GSDME: variants seen among roughly 807,000 people sequenced by gnomAD.
The protein encoded by GSDME is gasdermin E.
A neutral mutation model predicts 47.5 loss-of-function variants in GSDME; 44 were observed. The observed-to-expected ratio is 0.93, with a 90% CI of 0.73 to 1.19. The LOEUF (loss-of-function observed/expected upper bound fraction) is 1.19, where lower values mean the gene tolerates loss of function less well. Among genes scored for constraint, GSDME ranks in the 50% most tolerant of loss-of-function variants. The pLI is 0.00. For missense variants in GSDME, 663 were observed against 604.2 expected (o/e 1.10, Z -1.02); for synonymous variants, 258 against 252.8 (o/e 1.02, Z -0.20).
intron 1 of GSDME, among the ~76,000 whole-genome samples, chr7:24,755,449 A>G (rs547608215): frequency 2.6e-5 from 4 of 152,094 alleles, no homozygotes; most frequent in Non-Finnish European, 5.9e-5. Flanking sequence ...CCCTGACCAC[A>G]TCCAATTCAG....
Position 24,707,763 on chromosome 7 carries a change from C to T in GSDME, c.990+364G>A, listed in dbSNP as rs893496188. 3.2e-5 allele frequency: 15 copies of T among 464,646 alleles called. No homozygotes were observed. In the East Asian group the frequency reaches 5.1e-4, roughly 16 times the overall value. 28.8% of individuals were successfully genotyped at this position (464,646 alleles called of 1,614,324 possible). The stretch of plus-strand genomic sequence containing the variant: ...GTGCTGCTGCCATGAGCCAGGAACA[C>T]TAGGAGCCATCCGCAGCTGGAAGGA... On this transcript the variant is annotated intron_variant, in intron 7 of 9. Transcript: ENST00000645220.
chr7:24,780,611 T>G, the GSDME span, among the ~76,000 whole-genome samples: 2 of 152,240 alleles, frequency 1.3e-5, no homozygotes, highest in Non-Finnish European at 2.9e-5. The surrounding 1 kb of genome is among the most constrained non-coding windows in gnomAD (Gnocchi z 4.1). Context: ...TTGAATGTCA[T>G]GTCTTCTGTG....
At position 24,698,849 on chromosome 7, in the gene GSDME, C is replaced by G; in HGVS notation, c.*177G>C. ...ACAGGAGGGCCTCTGATAAGGAAAA[C>G]TGTTTAAAGAGTACCTGGTGGCTAA... On this transcript the variant is annotated 3_prime_UTR_variant, in exon 10 of 10. Coordinates refer to ENST00000645220, the MANE Select transcript of GSDME (RefSeq NM_001127453.2). The G allele has an allele frequency of 1.5e-6, 1 of 645,532 alleles. No individual in the cohort carries two copies. Among genetic ancestry groups the G allele is most frequent in the Non-Finnish European group, 2.8e-6 (1 of 357,070 alleles). The allele number at this position is 645,532 out of a possible 1,614,324, so 40.0% of individuals were successfully genotyped here. A position where few individuals can be genotyped will look rare whatever the true frequency, so the allele number is the denominator to read the frequency against.
chr7:24,760,775 C>T (rs1791154754), upstream of GSDME, among the ~76,000 whole-genome samples: 1 of 152,176 alleles, frequency 6.6e-6, no homozygotes, highest in Non-Finnish European at 1.5e-5. This position sits in a 1 kb window ranked among gnomAD's most constrained non-coding sequence, Gnocchi z 4.2. Flanking sequence ...GCTTTTTAAA[C>T]TGGAGACTGT....
rs1790944555 is a variant in GSDME at position 24,754,205 on chromosome 7, A to G, written c.-20+3191T>C. 6.6e-6 allele frequency among the ~76,000 whole-genome samples: 1 copy of G among 152,176 alleles called. No individual in the cohort carries two copies. Among genetic ancestry groups the G allele is most frequent in the Admixed American group, 6.5e-5 (1 of 15,282 alleles). The stretch of plus-strand genomic sequence containing the variant: ...ACAGAGCCTTAAAAGTTATATTAGC[A>G]GCCGGGCCTGGTGGCTCATGCCTGT... On this transcript the variant is annotated intron_variant, in intron 1 of 9. Coordinates refer to ENST00000645220, the MANE Select transcript of GSDME (RefSeq NM_001127453.2). The surrounding 1 kb of genome is among the most constrained non-coding windows in gnomAD (Gnocchi z 5.0).
chr7:24,734,595 T>C, intron 3 of GSDME, among the ~76,000 whole-genome samples: 1 of 152,130 alleles, frequency 6.6e-6, no homozygotes. Context: ...TAACAGAGAT[T>C]GCAATAATTT....
At chr7:24,718,905 C>A (rs1584070091) in intron 4 of GSDME, 142 bp downstream of exon 4, 1 of 928,538 alleles carries the variant, frequency 1.1e-6, no homozygotes, top group East Asian at 2.5e-5. Context: ...CACTCTTGCT[C>A]ATTTAAGACA....
intron 9 of GSDME, among the ~76,000 whole-genome samples, chr7:24,700,891 G>A (rs17149903): frequency 0.019 from 2,945 of 152,242 alleles, 117 homozygotes; most frequent in African/African-American, 0.068. Flanking sequence ...TGCAGCATTC[G>A]GCTTTCTTTT....
At chr7:24,718,219 C>G (rs934645179) in intron 4 of GSDME, among the ~76,000 whole-genome samples, 1 of 152,234 alleles carries the variant, frequency 6.6e-6, no homozygotes, top group Admixed American at 6.5e-5. Context: ...CAGACCTCTA[C>G]CTCCAGCTCC....
chr7:24,718,642 G>C (rs143487286), intron 4 of GSDME, among the ~76,000 whole-genome samples: 4 of 152,160 alleles, frequency 2.6e-5, no homozygotes, highest in African/African-American at 9.7e-5. Flanking sequence ...TGGCCCATTC[G>C]AGTGCCTGCA....
intron 3 of GSDME, among the ~76,000 whole-genome samples, chr7:24,738,918 CTG>C (rs1297257222): frequency 8.5e-5 from 13 of 152,158 alleles, no homozygotes; most frequent in Admixed American, 7.9e-4. Flanking sequence ...GCTGAGAAAA[CTG>C]TATATCCCTA....
the GSDME span, among the ~76,000 whole-genome samples, chr7:24,781,414 T>A: frequency 1.3e-5 from 2 of 152,184 alleles, no homozygotes; most frequent in African/African-American, 4.8e-5. Context: ...TCATGGCCGG[T>A]GAATTTATAT....
rs993983088 is a variant in GSDME, at chr7:24,725,897, A to C, written c.405-6679T>G. Among the ~76,000 whole-genome samples, 1 of 152,182 alleles carries C rather than the reference A, an allele frequency of 6.6e-6. No homozygotes were observed. The highest frequency in any genetic ancestry group is 2.4e-5 in the African/African-American group (1 of 41,436). On this transcript the variant is annotated intron_variant, in intron 3 of 9. Coordinates refer to ENST00000645220, the MANE Select transcript of GSDME (RefSeq NM_001127453.2). This position sits in a 1 kb window ranked among gnomAD's most constrained non-coding sequence, Gnocchi z 5.1. ...CCTCCCTTAAGGAAGTGGACCCTCAAAGCAATTAAGAGCATGGCTCCATGG... is the reference window on the plus strand; with the variant it reads ...CCTCCCTTAAGGAAGTGGACCCTCACAGCAATTAAGAGCATGGCTCCATGG...
chr7:24,779,012 G>A, the GSDME span, among the ~76,000 whole-genome samples: 1 of 152,198 alleles, frequency 6.6e-6, no homozygotes, highest in East Asian at 1.9e-4. This position sits in a 1 kb window ranked among gnomAD's most constrained non-coding sequence, Gnocchi z 6.0. Flanking sequence ...CTGGTCCCAT[G>A]TGACCTCCAC....
At chr7:24,741,129 G>A (rs1418059098) in intron 3 of GSDME, among the ~76,000 whole-genome samples, 2 of 152,098 alleles carry the variant, frequency 1.3e-5, no homozygotes, top group Non-Finnish European at 2.9e-5. Flanking sequence ...GGCTTACCAA[G>A]TCGACCTAAG....
rs748842069 is a variant in GSDME at position 24,714,722 on chromosome 7, C to G, written c.697+2532G>C. 2.3e-4 allele frequency among the ~76,000 whole-genome samples: 35 copies of G among 152,208 alleles called. No individual in the cohort carries two copies. Among genetic ancestry groups the G allele is most frequent in the Non-Finnish European group, 3.7e-4 (25 of 68,032 alleles). ...AGGCTGTGTGTCTTTCAAACCCCAT[C>G]TGAGAAAGAGAGGCTACCTCCACAG... is the stretch of plus-strand genomic sequence containing the variant. On this transcript the variant is annotated intron_variant, in intron 5 of 9. Coordinates refer to ENST00000645220, the MANE Select transcript of GSDME (RefSeq NM_001127453.2). This position sits in a 1 kb window ranked among gnomAD's most constrained non-coding sequence, Gnocchi z 5.0.
At chr7:24,711,122 C>T (rs1326231905) in intron 5 of GSDME, among the ~76,000 whole-genome samples, 3 of 152,166 alleles carry the variant, frequency 2.0e-5, no homozygotes, top group African/African-American at 7.2e-5. Context: ...ACATGAATTG[C>T]CCTAGTCACT....
intron 1 of GSDME, among the ~76,000 whole-genome samples, chr7:24,753,902 T>G (rs1790933812): frequency 6.6e-6 from 1 of 152,190 alleles, no homozygotes; most frequent in South Asian, 2.1e-4. Flanking sequence ...GACAATACAC[T>G]GCCACCATCA....
At chr7:24,706,447 A>G in intron 7 of GSDME, 71 bp from the exon 8 acceptor site, 1 of 1,462,994 alleles carries the variant, frequency 6.8e-7, no homozygotes. Flanking sequence ...GCCTCCGCTC[A>G]CAGTACACAC....
Sources: gnomAD v4.1 joint callset for allele counts (sites outside exome capture counted in the v4.1 genomes callset) on GRCh38, gnomAD v4.1.1 for gene constraint, Gnocchi (gnomAD v3.1) non-coding constraint, MANE v1.5 for transcripts, NCBI Gene and HGNC (gene_info 2026-07-23, HGNC 2026-07-21) for gene names.